NAA35: variants seen among roughly 807,000 people sequenced by gnomAD.
NAA35 encodes the protein MAK10 homolog, amino-acid N-acetyltransferase subunit.
NAA35 carries 18 observed loss-of-function variants against 101.7 expected under a neutral mutation model. The observed-to-expected ratio is 0.18, with a 90% confidence interval of 0.12 to 0.26. The LOEUF (loss-of-function observed/expected upper bound fraction) is 0.26, where lower values mean the gene tolerates loss of function less well. NAA35 is among the 10% of genes least tolerant of loss of function. The pLI is 1.00. For missense variants in NAA35, 601 were observed against 886.8 expected (o/e 0.68, Z 4.09); for synonymous variants, 267 against 273.1 (o/e 0.98, Z 0.22).
At chr9:85,996,630 A>G in intron 12 of NAA35, 53 bp downstream of exon 12, 1 of 1,333,260 alleles carries the variant, frequency 7.5e-7, no homozygotes, top group Non-Finnish European at 1.0e-6. Flanking sequence ...AAAAATTGAT[A>G]CATAATAATT....
rs575086079 is a variant in NAA35 at position 85,941,215 on chromosome 9, G to T, written c.-64G>T. 2.0e-6 allele frequency: 2 copies of T among 986,820 alleles called. No individual in the cohort carries two copies. Among genetic ancestry groups the T allele is most frequent in the South Asian group, 9.3e-5 (2 of 21,620 alleles). The allele number at this position is 986,820 out of a possible 1,614,324, so 61.1% of individuals were successfully genotyped here. Reference sequence around the variant, plus strand: ...AGGGGGCGGCGGCGGCCGAGGCGGCGTCGTTATTTCCGTGGTCCGGACAGT... The same window carrying T: ...AGGGGGCGGCGGCGGCCGAGGCGGCTTCGTTATTTCCGTGGTCCGGACAGT... On this transcript the variant is annotated 5_prime_UTR_variant, in exon 1 of 23. Coordinates refer to ENST00000361671, the MANE Select transcript of NAA35 (RefSeq NM_024635.4).
In NAA35 at chr9:85,941,746, A is replaced by G. The variant is rs903993999; in HGVS notation, c.-5-409A>G. 37 of 989,306 alleles carry G rather than the reference A, an allele frequency of 3.7e-5. No homozygotes were observed. The African/African-American group carries it at 4.4e-4, about 12-fold the overall frequency. The allele number at this position is 989,306 out of a possible 1,614,324, so 61.3% of individuals were successfully genotyped here. On this transcript the variant is annotated intron_variant, in intron 1 of 22. Transcript: ENST00000361671. ...GCGAGCTCTGGCCAGATGAAGGGCT[A>G]CCTTGATTGACTTCGGTAGCTGCCG...
At position 85,956,400 on chromosome 9, in the gene NAA35, AT is replaced by A; in HGVS notation, c.158+10del. On this transcript the variant is annotated splice_region_variant and intron_variant, in intron 3 of 22. Coordinates refer to ENST00000361671, the MANE Select transcript of NAA35 (RefSeq NM_024635.4). ...AACTACTTCATGATAAGCTGTAAGTATTTATCCTTTGAAAATAGTGTAGTGT... is the reference window on the plus strand; with the variant it reads ...AACTACTTCATGATAAGCTGTAAGTATTATCCTTTGAAAATAGTGTAGTGT... 1 of 1,397,692 alleles carries A rather than the reference AT, an allele frequency of 7.2e-7. No homozygotes were observed. The highest frequency in any genetic ancestry group is 9.7e-7 in the Non-Finnish European group (1 of 1,032,764). 86.6% of individuals were successfully genotyped at this position (1,397,692 alleles called of 1,614,324 possible). A position where few individuals can be genotyped will look rare whatever the true frequency, so the allele number is the denominator to read the frequency against.
At chr9:85,957,360 G>A (rs1829320874) in intron 3 of NAA35, among the ~76,000 whole-genome samples, 1 of 152,142 alleles carries the variant, frequency 6.6e-6, no homozygotes, top group South Asian at 2.1e-4. Flanking sequence ...GAAGGAAGAG[G>A]AAGTTAGTCT....
At chr9:85,979,187 G>T (rs1458962571) in intron 11 of NAA35, among the ~76,000 whole-genome samples, 1 of 152,144 alleles carries the variant, frequency 6.6e-6, no homozygotes, top group Non-Finnish European at 1.5e-5. Flanking sequence ...GTTTTGCCAC[G>T]AGAGTACGCT....
In NAA35 at chr9:85,990,723, C is replaced by T. The variant is rs149880240; in HGVS notation, c.878-5676C>T. ...TGGGCCTGAGCACAATGGGCATGTG[C>T]GCTAGAGCGAGACTTTGGAGCCTGC... On this transcript the variant is annotated intron_variant, in intron 11 of 22. Transcript: ENST00000361671. Among the ~76,000 whole-genome samples, 27 of 152,316 alleles carry T rather than the reference C, an allele frequency of 1.8e-4. No homozygotes were observed. The East Asian group carries it at 3.7e-3, about 21-fold the overall frequency.
intron 2 of NAA35, among the ~76,000 whole-genome samples, chr9:85,943,652 G>T (rs1828624471): frequency 6.6e-6 from 1 of 152,214 alleles, no homozygotes; most frequent in South Asian, 2.1e-4. Context: ...AGAAAGAAAT[G>T]TCAAGTTACA....
intron 1 of NAA35, chr9:85,941,530 C>T: frequency 2.0e-6 from 2 of 985,676 alleles, no homozygotes; most frequent in Non-Finnish European, 2.4e-6. Context: ...TCTGTCCTTG[C>T]TTATGCGCCC....
intron 20 of NAA35, 73 bp downstream of exon 20, chr9:86,018,468 A>G: frequency 2.0e-6 from 3 of 1,496,968 alleles, no homozygotes; most frequent in Non-Finnish European, 1.8e-6. Flanking sequence ...GTTTGTACCT[A>G]GCCATCTTGT....
In NAA35 at chr9:86,025,225, C is replaced by G. The variant is rs1391895957; in HGVS notation, c.*3265C>G. ...ATCAGGAAAATAAGCAGAATGAGGGCCATATGCCGCTCAGAGGCCATTAAG... is the reference window on the plus strand; with the variant it reads ...ATCAGGAAAATAAGCAGAATGAGGGGCATATGCCGCTCAGAGGCCATTAAG... On this transcript the variant is annotated 3_prime_UTR_variant, in exon 23 of 23. Coordinates refer to ENST00000361671, the MANE Select transcript of NAA35 (RefSeq NM_024635.4). 3.3e-5 allele frequency among the ~76,000 whole-genome samples: 5 copies of G among 152,208 alleles called. No homozygotes were observed. Among genetic ancestry groups the G allele is most frequent in the Admixed American group, 2.0e-4 (3 of 15,282 alleles).
rs1314360692 is a variant in NAA35, at chr9:86,022,083, T to C, written c.*123T>C. 2 of 697,230 alleles carry C rather than the reference T, an allele frequency of 2.9e-6. No individual in the cohort carries two copies. The highest frequency in any genetic ancestry group is 1.8e-5 in the African/African-American group (1 of 54,736). The allele number at this position is 697,230 out of a possible 1,614,324, so 43.2% of individuals were successfully genotyped here. On this transcript the variant is annotated 3_prime_UTR_variant, in exon 23 of 23. Coordinates refer to ENST00000361671, the MANE Select transcript of NAA35 (RefSeq NM_024635.4). ...GGATTTCTTGGGTAACAACTCATTA[T>C]AAGGAATACTTTTAGTTTGACAGCC... is the stretch of plus-strand genomic sequence containing the variant.
At chr9:86,009,836 A>T in intron 14 of NAA35, 29 bp from the exon 15 acceptor site, 2 of 1,573,120 alleles carry the variant, frequency 1.3e-6, no homozygotes, top group South Asian at 2.2e-5. Context: ...GGCTGAATAG[A>T]TTTTAATGAT....
chr9:86,012,291 GTATTTT>G (rs1831979036), intron 15 of NAA35, among the ~76,000 whole-genome samples: 1 of 151,644 alleles, frequency 6.6e-6, no homozygotes, highest in Non-Finnish European at 1.5e-5. Context: ...GCTAATTTTT[GTATTTT>G]TATTAGTGAC....
At chr9:86,015,821 A>G (rs1281014816) in intron 17 of NAA35, 2 of 973,366 alleles carry the variant, frequency 2.1e-6, no homozygotes, top group Non-Finnish European at 2.4e-6. Flanking sequence ...TCAGTTGCCT[A>G]TAGAAATCCT....
At chr9:86,009,656 A>G (rs905606351) in intron 14 of NAA35, among the ~76,000 whole-genome samples, 1 of 152,188 alleles carries the variant, frequency 6.6e-6, no homozygotes, top group Admixed American at 6.5e-5. Flanking sequence ...ATATAGACCT[A>G]TAGGAATTGG....
chr9:86,009,752 G>A (rs1831816533), intron 14 of NAA35, 113 bp from the exon 15 acceptor site: 1 of 676,730 alleles, frequency 1.5e-6, no homozygotes, highest in Non-Finnish European at 2.6e-6. Context: ...CTTAGGTATC[G>A]GTTCCATTTT....
intron 18 of NAA35, 104 bp downstream of exon 18, chr9:86,016,779 G>C: frequency 8.4e-7 from 1 of 1,194,186 alleles, no homozygotes; most frequent in Non-Finnish European, 1.2e-6. Context: ...TTTAGTTCTT[G>C]TTCCTCTTTT....
intron 6 of NAA35, chr9:85,966,746 A>G: frequency 1.7e-6 from 1 of 580,302 alleles, no homozygotes; most frequent in Non-Finnish European, 2.7e-6. Flanking sequence ...AATAATGTGT[A>G]TATCAAGAAT....
intron 14 of NAA35, among the ~76,000 whole-genome samples, chr9:86,009,004 T>C (rs1831774108): frequency 6.6e-6 from 1 of 152,160 alleles, no homozygotes; most frequent in Non-Finnish European, 1.5e-5. Context: ...CATACTAGGG[T>C]CTTCTAGAGC....
Sources: allele counts gnomAD v4.1 joint callset (sites outside exome capture counted in the v4.1 genomes callset), GRCh38; gene constraint gnomAD v4.1.1; transcripts MANE v1.5; gene names NCBI Gene and HGNC (gene_info 2026-07-23, HGNC 2026-07-21).